Variants in CRABP1 observed in about 807,000 individuals in gnomAD.
The protein encoded by CRABP1 is cellular retinoic acid binding protein 1.
In CRABP1, 9 loss-of-function variants were observed where a neutral mutation model predicts 16.4. The ratio of observed to expected loss-of-function variants is 0.55; its 90% CI spans 0.33 to 0.96. The LOEUF is 0.96. Ranked by LOEUF, CRABP1 falls within the 40% of genes least tolerant of loss-of-function variation. CRABP1 has a pLI of 0.03. For synonymous variants in CRABP1, 72 were observed against 70.4 expected (o/e 1.02, Z -0.11); for missense variants, 157 against 186.0 (o/e 0.84, Z 0.91).
intron 3 of CRABP1, among the ~76,000 whole-genome samples, chr15:78,346,765 A>G (rs1359392577): frequency 6.6e-6 from 1 of 152,208 alleles, no homozygotes; most frequent in Non-Finnish European, 1.5e-5. Flanking sequence ...GTTTTAGCAT[A>G]TGTTCTCTGA....
At chr15:78,346,405 G>C (rs1036395102) in intron 3 of CRABP1, among the ~76,000 whole-genome samples, 2 of 152,152 alleles carry the variant, frequency 1.3e-5, no homozygotes, top group Non-Finnish European at 1.5e-5. Flanking sequence ...AGTGGCTCAC[G>C]CTTGTAATCC....
rs1469811292 is a variant in CRABP1, at chr15:78,340,359, C to T, written c.-70C>T. ...GCGCTGGGCGCAAAGCGCCAGTCTCCGCCTTGCGAGCTCAGAGTGTGCCCG... is the reference window on the plus strand; with the variant it reads ...GCGCTGGGCGCAAAGCGCCAGTCTCTGCCTTGCGAGCTCAGAGTGTGCCCG... On this transcript the variant is annotated 5_prime_UTR_variant, in exon 1 of 4. Transcript: ENST00000299529. 2.6e-6 allele frequency: 4 copies of T among 1,532,056 alleles called. No homozygotes were observed. The highest frequency in any genetic ancestry group is 1.4e-5 in the African/African-American group (1 of 72,648). 94.9% of individuals were successfully genotyped at this position (1,532,056 alleles called of 1,614,324 possible). A position where few individuals can be genotyped will look rare whatever the true frequency, so the allele number is the denominator to read the frequency against.
intron 2 of CRABP1, among the ~76,000 whole-genome samples, chr15:78,342,134 CA>C (rs1042414776): frequency 6.6e-6 from 1 of 152,026 alleles, no homozygotes; most frequent in African/African-American, 2.4e-5. Flanking sequence ...GACAAAGAAA[CA>C]AAGCCCCCCA....
At chr15:78,346,749 G>T (rs926486107) in intron 3 of CRABP1, among the ~76,000 whole-genome samples, 2 of 152,172 alleles carry the variant, frequency 1.3e-5, no homozygotes, top group African/African-American at 4.8e-5. Context: ...CACGTGTCAG[G>T]ATAATGTTTT....
chr15:78,348,117 T>G lies in CRABP1; in HGVS notation c.*140T>G, dbSNP rs1234949231. 5 of 766,648 alleles carry G rather than the reference T, an allele frequency of 6.5e-6. No individual in the cohort carries two copies. The allele number at this position is 766,648 out of a possible 1,614,324, so 47.5% of individuals were successfully genotyped here. On this transcript the variant is annotated 3_prime_UTR_variant, in exon 4 of 4. Coordinates refer to ENST00000299529, the MANE Select transcript of CRABP1 (RefSeq NM_004378.3). ...CGTTTTCCCCATGACAATGTTGTAGTGTCCCCCACCCCCACCCCCCAGGCC... is the reference window on the plus strand; with the variant it reads ...CGTTTTCCCCATGACAATGTTGTAGGGTCCCCCACCCCCACCCCCCAGGCC...
At chr15:78,340,912 G>A in intron 1 of CRABP1, 131 bp from the exon 2 acceptor site, 3 of 938,150 alleles carry the variant, frequency 3.2e-6, no homozygotes, top group Non-Finnish European at 4.7e-6. Context: ...TCGAAAACAA[G>A]GGCGAGGGCA....
intron 3 of CRABP1, among the ~76,000 whole-genome samples, chr15:78,346,459 G>C (rs1010851399): frequency 6.6e-6 from 1 of 152,140 alleles, no homozygotes; most frequent in African/African-American, 2.4e-5. Context: ...TTGAAGTCAG[G>C]AGTTCGAGAC....
intron 1 of CRABP1, 72 bp downstream of exon 1, chr15:78,340,570 C>T (rs892180707): frequency 5.8e-6 from 9 of 1,540,956 alleles, no homozygotes; most frequent in Non-Finnish European, 7.9e-6. Flanking sequence ...GGAAGTGCCC[C>T]GGTCCTGGAG....
At position 78,343,610 on chromosome 15, in the gene CRABP1, C is replaced by T. The variant is rs760562519; in HGVS notation, c.361C>T (p.Leu121=). Residue 121 remains leucine (L), a splice_region_variant and synonymous_variant, in exon 3 of 4, where the codon CTG becomes TTG. Coordinates refer to ENST00000299529, the MANE Select transcript of CRABP1 (RefSeq NM_004378.3). ...TGAGCTGGCCAACGATGAACTTATCCTGGTAGGGAACCCTTGACCCTGAAA... is the reference window on the plus strand; with the variant it reads ...TGAGCTGGCCAACGATGAACTTATCTTGGTAGGGAACCCTTGACCCTGAAA... The part of the protein sequence containing the change: ...TRELANDELI[L]TFGADDVVCT... 5.6e-6 allele frequency: 9 copies of T among 1,613,806 alleles called. No individual in the cohort carries two copies. The African/African-American group carries it at 1.1e-4, about 19-fold the overall frequency.
chr15:78,347,087 G>C (rs951413707), intron 3 of CRABP1, among the ~76,000 whole-genome samples: 2 of 151,924 alleles, frequency 1.3e-5, no homozygotes, highest in Non-Finnish European at 2.9e-5. Context: ...GCTAGTTTTG[G>C]GGGAAAGTTG....
intron 3 of CRABP1, among the ~76,000 whole-genome samples, chr15:78,347,015 AT>A (rs35936224): frequency 0.081 from 12,146 of 149,888 alleles, 625 homozygotes; most frequent in East Asian, 0.16. Context: ...TTTAACATAC[AT>A]ATTGCTTTCC....
chr15:78,343,361 C>T lies in CRABP1; in HGVS notation c.250-138C>T, dbSNP rs146032241. ...TGAATTTGGACTTTATAAGGCTCAG[C>T]GGAGAAGAATCTGTGGCCTGCTGAC... is the stretch of plus-strand genomic sequence containing the variant. On this transcript the variant is annotated intron_variant, in intron 2 of 3. Coordinates refer to ENST00000299529, the MANE Select transcript of CRABP1 (RefSeq NM_004378.3). 4.1e-3 allele frequency: 2,837 copies of T among 684,500 alleles called. 26 individuals are homozygous for T. Among genetic ancestry groups the T allele is most frequent in the South Asian group, 0.021 (1,099 of 53,552 alleles). The allele number at this position is 684,500 out of a possible 1,614,324, so 42.4% of individuals were successfully genotyped here.
rs115206860 is a variant in CRABP1 at position 78,343,431 on chromosome 15, C to T, written c.250-68C>T. On this transcript the variant is annotated intron_variant, in intron 2 of 3. Transcript: ENST00000299529. ...TCTGCAGAGCAATTATTTTTCAATG[C>T]TCATTGTTGTCCCTGCTCCCGCTGC... The T allele has an allele frequency of 1.9e-4, 229 of 1,211,572 alleles. No homozygotes were observed. The African/African-American group carries it at 3.2e-3, about 17-fold the overall frequency. The allele number at this position is 1,211,572 out of a possible 1,614,324, so 75.1% of individuals were successfully genotyped here.
At chr15:78,347,020 G>A (rs2050270021) in intron 3 of CRABP1, among the ~76,000 whole-genome samples, 1 of 146,442 alleles carries the variant, frequency 6.8e-6, no homozygotes, top group Non-Finnish European at 1.5e-5. Flanking sequence ...CATACATATT[G>A]CTTTCCCTGT....
chr15:78,342,602 A>G (rs774706268), intron 2 of CRABP1, among the ~76,000 whole-genome samples: 1 of 152,210 alleles, frequency 6.6e-6, no homozygotes, highest in Non-Finnish European at 1.5e-5. Flanking sequence ...TCCCACCTCC[A>G]AAAGCATGAA....
In CRABP1 at chr15:78,340,496, T is replaced by G; in HGVS notation, c.68T>G (p.Leu23Arg). The G allele has an allele frequency of 1.2e-6, 2 of 1,607,060 alleles. No homozygotes were observed. Among genetic ancestry groups the G allele is most frequent in the South Asian group, 2.2e-5 (2 of 89,686 alleles). ...AATTTCGACGAGCTGCTCAAGGCAC[T>G]GGGTAAGCTGGTGCAGAGGGCGCGC... ...SENFDELLKA[L>R]GVNAMLRKVA... The change falls in exon 1 of 4, where the codon CTG (leucine) becomes CGG (arginine). Residue 23 changes from leucine (L) to arginine (R), a missense_variant and splice_region_variant. By Grantham distance (102) the Leu-to-Arg change is moderately radical. Coordinates refer to ENST00000299529, the MANE Select transcript of CRABP1 (RefSeq NM_004378.3).
chr15:78,347,371 G>T (rs1210090610), intron 3 of CRABP1, among the ~76,000 whole-genome samples: 1 of 152,216 alleles, frequency 6.6e-6, no homozygotes, highest in African/African-American at 2.4e-5. Flanking sequence ...GGATGCCAAT[G>T]CTGTGCTTTT....
In CRABP1 at chr15:78,340,384, G is replaced by A; in HGVS notation, c.-45G>A. ...CGCCTTGCGAGCTCAGAGTGTGCCC[G>A]CTGCGCCGCCGCTGTCCGTACCTGC... is the stretch of plus-strand genomic sequence containing the variant. On this transcript the variant is annotated 5_prime_UTR_variant, in exon 1 of 4. Transcript: ENST00000299529. The A allele has an allele frequency of 2.6e-6, 4 of 1,557,332 alleles. No individual in the cohort carries two copies. The highest frequency in any genetic ancestry group is 1.4e-5 in the African/African-American group (1 of 73,932).
chr15:78,342,992 G>A (rs2050243301), intron 2 of CRABP1, among the ~76,000 whole-genome samples: 1 of 152,110 alleles, frequency 6.6e-6, no homozygotes, highest in South Asian at 2.1e-4. Context: ...GCAGGCACCT[G>A]TCATCCCAGC....
Sources: gnomAD v4.1 joint callset for allele counts (sites outside exome capture counted in the v4.1 genomes callset) on GRCh38, gnomAD v4.1.1 for gene constraint, MANE v1.5 for transcripts, NCBI Gene and HGNC (gene_info 2026-07-23, HGNC 2026-07-21) for gene names.